Variants in USP13 observed in about 807,000 individuals in gnomAD.
The protein encoded by USP13 is ubiquitin specific peptidase 13.
Under a neutral mutation model 107.8 loss-of-function variants are expected in USP13, and 68 were observed. That is an observed-to-expected ratio of 0.63 (90% confidence interval 0.52 to 0.77). The LOEUF (loss-of-function observed/expected upper bound fraction) is 0.77, where lower values mean the gene tolerates loss of function less well. USP13 is among the 30% of genes least tolerant of loss of function. The pLI, the probability that USP13 is intolerant of heterozygous loss-of-function variation, is 0.00. For missense variants in USP13, 945 were observed against 1,093.3 expected (o/e 0.86, Z 1.91); for synonymous variants, 377 against 389.5 (o/e 0.97, Z 0.38).
chr3:179,686,331 C>T (rs967082688), intron 2 of USP13, among the ~76,000 whole-genome samples: 4 of 152,196 alleles, frequency 2.6e-5, no homozygotes, highest in Non-Finnish European at 5.9e-5. Flanking sequence ...CCTGTCATCC[C>T]AGTGCTTTGG....
rs943395888 is a variant in USP13, at chr3:179,724,780, G to A, written c.1088+3191G>A. Among the ~76,000 whole-genome samples the A allele has an allele frequency of 2.2e-4, 34 of 152,116 alleles. 1 individual carries two copies. Among genetic ancestry groups the A allele is most frequent in the Admixed American group, 1.8e-3 (27 of 15,272 alleles). ...ATAACATCTATGAAAATTATCTAGC[G>A]TTTCTTCTGCATTTTAATTTAATTT... is the stretch of plus-strand genomic sequence containing the variant. On this transcript the variant is annotated intron_variant, in intron 8 of 20. Transcript: ENST00000263966.
chr3:179,773,095 C>T (rs1715390592), intron 19 of USP13, among the ~76,000 whole-genome samples: 1 of 152,100 alleles, frequency 6.6e-6, no homozygotes, highest in South Asian at 2.1e-4. Context: ...ATGCAAACTG[C>T]AGTGTTGGAG....
chr3:179,680,212 G>GAA (rs1711601183), intron 1 of USP13, among the ~76,000 whole-genome samples: 6 of 151,866 alleles, frequency 4.0e-5, no homozygotes, highest in African/African-American at 1.4e-4. Context: ...AAAAGAAAGA[G>GAA]AGAGAGAGAG....
chr3:179,665,572 C>T (rs1260273527), intron 1 of USP13, among the ~76,000 whole-genome samples: 4 of 152,072 alleles, frequency 2.6e-5, no homozygotes, highest in African/African-American at 9.7e-5. Context: ...CCCTGCAGCA[C>T]TTATAGGATA....
intron 6 of USP13, among the ~76,000 whole-genome samples, chr3:179,715,181 C>T (rs2068670250): frequency 6.7e-6 from 1 of 150,288 alleles, no homozygotes; most frequent in East Asian, 2.0e-4. Flanking sequence ...TATGCCTGGT[C>T]CTGTTCTCTC....
intron 2 of USP13, among the ~76,000 whole-genome samples, chr3:179,685,563 G>A (rs1711839131): frequency 6.6e-6 from 1 of 151,486 alleles, no homozygotes; most frequent in African/African-American, 2.4e-5. Context: ...ATTCTGTTAG[G>A]TGGTACCTAA....
intron 3 of USP13, 29 bp from the exon 4 acceptor site, chr3:179,700,979 C>G (rs1200459352): frequency 1.3e-6 from 2 of 1,595,490 alleles, no homozygotes; most frequent in Non-Finnish European, 1.7e-6. Flanking sequence ...TTCCTCACTT[C>G]TTGTTCTTTG....
intron 13 of USP13, among the ~76,000 whole-genome samples, chr3:179,746,228 T>TTA (rs551609949): frequency 5.6e-4 from 82 of 147,110 alleles, no homozygotes; most frequent in African/African-American, 1.9e-3. Flanking sequence ...ATATAAAATT[T>TTA]TATATATATA....
Position 179,761,186 on chromosome 3 carries a change from G to C in USP13, c.2023G>C (p.Val675Leu). The C allele has an allele frequency of 6.2e-7, 1 of 1,614,202 alleles. No homozygotes were observed. The highest frequency in any genetic ancestry group is 8.5e-7 in the Non-Finnish European group (1 of 1,180,038). The stretch of plus-strand genomic sequence containing the variant: ...CCCGCTGGAAGCATGTCGCAAGGCT[G>C]TGTACTTCACTGGAAATATGGGCGC... ...GFPLEACRKA[V>L]YFTGNMGAEV... Residue 675 changes from valine to leucine, a missense_variant, in exon 17 of 21, where the codon GTG (valine) becomes CTG (leucine). By Grantham distance (32) the Val-to-Leu change is conservative. Transcript: ENST00000263966.
At position 179,721,563 on chromosome 3, in the gene USP13, C is replaced by T; in HGVS notation, c.1062C>T (p.Ile354=). The T allele has an allele frequency of 6.2e-7, 1 of 1,613,782 alleles. No individual in the cohort carries two copies. Among genetic ancestry groups the T allele is most frequent in the East Asian group, 2.2e-5 (1 of 44,882 alleles). The part of the protein sequence containing the change: ...SCYLSSVMQA[I]FSIPEFQRAY... ...ATCTCAGCTCTGTCATGCAGGCCATCTTCAGCATCCCAGAATTCCAGAGAG... is the reference window on the plus strand; with the variant it reads ...ATCTCAGCTCTGTCATGCAGGCCATTTTCAGCATCCCAGAATTCCAGAGAG... The change falls in exon 8 of 21, where the codon ATC becomes ATT. Residue 354 remains isoleucine, a synonymous_variant. Coordinates refer to ENST00000263966, the MANE Select transcript of USP13 (RefSeq NM_003940.3). This position sits in a 1 kb window ranked among gnomAD's most constrained non-coding sequence, Gnocchi z 4.3.
intron 1 of USP13, among the ~76,000 whole-genome samples, chr3:179,667,282 T>C (rs1362646552): frequency 6.6e-6 from 1 of 152,196 alleles, no homozygotes; most frequent in African/African-American, 2.4e-5. Context: ...AACTCTGTTC[T>C]GGGCCATTAT....
rs752166947 is a variant in USP13, at chr3:179,740,352, C to T, written c.1360C>T (p.His454Tyr). Residue 454 changes from histidine to tyrosine, a missense_variant, in exon 11 of 21, where the codon CAC (histidine) becomes TAC (tyrosine). Physicochemically the swap from His to Tyr is moderately conservative, Grantham distance 83. Transcript: ENST00000263966. The stretch of plus-strand genomic sequence containing the variant: ...GCAAGATGCCCAGGAATTCTTCTTG[C>T]ACCTGGTGAATCTAGTAGAGGTGAG... ...RQQDAQEFFL[H>Y]LVNLVERNRI... The T allele has an allele frequency of 3.7e-6, 6 of 1,614,002 alleles. No homozygotes were observed. In the African/African-American group the frequency reaches 4.0e-5, roughly 11 times the overall value.
rs1454683908 is a variant in USP13, at chr3:179,707,084, T to G, written c.620+8T>G. 3 of 1,610,974 alleles carry G rather than the reference T, an allele frequency of 1.9e-6. No individual in the cohort carries two copies. The highest frequency in any genetic ancestry group is 2.5e-6 in the Non-Finnish European group (3 of 1,179,014). ...AGTCAGGATTCCTCCAAGGTGAGAG[T>G]CAGATAGCAGAATGGAACTTTACTC... On this transcript the variant is annotated splice_region_variant and intron_variant, in intron 5 of 20. Transcript: ENST00000263966.
intron 7 of USP13, among the ~76,000 whole-genome samples, chr3:179,720,805 TA>T (rs1162920928): frequency 1.3e-5 from 2 of 151,176 alleles, no homozygotes; most frequent in East Asian, 3.9e-4. Flanking sequence ...TTTCTCTCTT[TA>T]AAATCTTTTT....
chr3:179,758,509 T>A (rs1714885672), intron 16 of USP13, among the ~76,000 whole-genome samples: 1 of 152,140 alleles, frequency 6.6e-6, no homozygotes, highest in South Asian at 2.1e-4. Flanking sequence ...TAAATTTTTT[T>A]TTTTTTTGAG....
At chr3:179,659,042 G>T (rs190359062) in intron 1 of USP13, among the ~76,000 whole-genome samples, 3 of 152,132 alleles carry the variant, frequency 2.0e-5, no homozygotes, top group African/African-American at 7.2e-5. Flanking sequence ...TTCCCTTCTC[G>T]CATTGGGACT....
intron 10 of USP13, among the ~76,000 whole-genome samples, chr3:179,739,269 G>A (rs551387765): frequency 1.3e-4 from 20 of 152,114 alleles, no homozygotes; most frequent in Non-Finnish European, 1.9e-4. Flanking sequence ...CAGCATCCTC[G>A]TCCTGCCAGA....
chr3:179,753,455 A>T (rs1381972117), intron 14 of USP13, among the ~76,000 whole-genome samples: 2 of 152,206 alleles, frequency 1.3e-5, no homozygotes, highest in African/African-American at 4.8e-5. Context: ...TCTGGCTCTG[A>T]AGGCTTTGAA....
chr3:179,689,424 C>T (rs13322033), intron 2 of USP13, among the ~76,000 whole-genome samples: 26,973 of 151,734 alleles, frequency 0.18, 2,591 homozygotes, highest in Non-Finnish European at 0.2. Context: ...TTTGGGAGGC[C>T]GAGGTGGGCA....
Sources: gnomAD v4.1 joint callset for allele counts (sites outside exome capture counted in the v4.1 genomes callset) on GRCh38, gnomAD v4.1.1 for gene constraint, Gnocchi (gnomAD v3.1) non-coding constraint, MANE v1.5 for transcripts, NCBI Gene and HGNC (gene_info 2026-07-23, HGNC 2026-07-21) for gene names.